Variants in ELMO1 observed in about 807,000 individuals in gnomAD.
ELMO1 encodes the protein engulfment and cell motility 1, also known as engulfment and cell motility protein 1.
Under a neutral mutation model 98.9 loss-of-function variants are expected in ELMO1, and 26 were observed. The ratio of observed to expected loss-of-function variants is 0.26; its 90% CI spans 0.19 to 0.36. The LOEUF (loss-of-function observed/expected upper bound fraction) is 0.36, where lower values mean the gene tolerates loss of function less well. Ranked by LOEUF, ELMO1 falls within the 10% of genes least tolerant of loss-of-function variation. The pLI, the probability that ELMO1 is intolerant of heterozygous loss-of-function variation, is 1.00. For missense variants in ELMO1, 627 were observed against 935.2 expected, an observed-to-expected ratio of 0.67 and a Z score of 4.30; for synonymous variants, 346 against 346.0, an observed-to-expected ratio of 1.00 and a Z score of 0.00.
intron 10 of ELMO1, among the ~76,000 whole-genome samples, chr7:37,218,772 G>A (rs1793434835): frequency 6.6e-6 from 1 of 152,192 alleles, no homozygotes; most frequent in African/African-American, 2.4e-5. Flanking sequence ...AAACAGGGAA[G>A]TAGCACCATG....
chr7:36,889,483 A>G (rs1472685556), intron 17 of ELMO1, among the ~76,000 whole-genome samples: 3 of 152,246 alleles, frequency 2.0e-5, no homozygotes, highest in Admixed American at 6.5e-5. Context: ...AGTCCAGGTG[A>G]CAGGGTGCAG....
intron 5 of ELMO1, among the ~76,000 whole-genome samples, chr7:37,260,731 A>C (rs1256822550): frequency 6.6e-6 from 1 of 152,140 alleles, no homozygotes; most frequent in Non-Finnish European, 1.5e-5. Context: ...AAAACCAAAA[A>C]CAGACACGTT....
At chr7:37,190,644 C>A (rs1027313295) in intron 13 of ELMO1, among the ~76,000 whole-genome samples, 4 of 151,980 alleles carry the variant, frequency 2.6e-5, no homozygotes, top group African/African-American at 9.7e-5. Context: ...ATTACGGGCA[C>A]CCTGCCAATC....
intron 15 of ELMO1, among the ~76,000 whole-genome samples, chr7:37,040,641 A>G (rs1271262954): frequency 2.0e-5 from 3 of 152,174 alleles, no homozygotes; most frequent in Non-Finnish European, 4.4e-5. Flanking sequence ...TTCACGCACA[A>G]TGTTACTGCC....
intron 14 of ELMO1, among the ~76,000 whole-genome samples, chr7:37,123,263 GA>G (rs1280061052): frequency 1.3e-5 from 2 of 152,174 alleles, no homozygotes; most frequent in Non-Finnish European, 2.9e-5. Context: ...AAAGCTAGCA[GA>G]AGGCAAGAAG....
At chr7:37,393,770 C>T (rs1408406292) in intron 1 of ELMO1, 1 of 152,136 alleles carries the variant, frequency 6.6e-6, no homozygotes, top group Admixed American at 6.5e-5. Flanking sequence ...ATTTGTTCCT[C>T]AGCTTGCTTT....
At chr7:37,382,502 C>A (rs1802620508) in intron 1 of ELMO1, among the ~76,000 whole-genome samples, 1 of 152,002 alleles carries the variant, frequency 6.6e-6, no homozygotes, top group African/African-American at 2.4e-5. Context: ...TGCTCTTGGC[C>A]CTCTCACTAT....
At chr7:37,247,810 TA>T (rs1045304947) in intron 6 of ELMO1, among the ~76,000 whole-genome samples, 3 of 152,026 alleles carry the variant, frequency 2.0e-5, no homozygotes, top group Non-Finnish European at 4.4e-5. Context: ...AGGTGAAACT[TA>T]AATGGGGTCT....
At chr7:37,184,861 T>C (rs1791102066) in intron 13 of ELMO1, among the ~76,000 whole-genome samples, 2 of 151,982 alleles carry the variant, frequency 1.3e-5, no homozygotes, top group Admixed American at 1.3e-4. Context: ...ATCATGCCAC[T>C]GCACGCCAGC....
At chr7:36,931,177 C>T (rs1786005777) in intron 16 of ELMO1, among the ~76,000 whole-genome samples, 1 of 152,212 alleles carries the variant, frequency 6.6e-6, no homozygotes, top group Non-Finnish European at 1.5e-5. Context: ...TTTAAGGCAG[C>T]TTTTCGGGAT....
At chr7:37,276,293 C>T (rs1024959147) in intron 4 of ELMO1, among the ~76,000 whole-genome samples, 10 of 152,088 alleles carry the variant, frequency 6.6e-5, no homozygotes, top group Non-Finnish European at 1.0e-4. Context: ...AGAGAGAGTT[C>T]GCTGTTTATT....
Position 37,342,520 on chromosome 7 carries a change from G to C in ELMO1, c.78+93C>G. The C allele has an allele frequency of 7.8e-7, 1 of 1,274,560 alleles. No homozygotes were observed. Among genetic ancestry groups the C allele is most frequent in the Non-Finnish European group, 1.1e-6 (1 of 873,540 alleles). 79.0% of individuals were successfully genotyped at this position (1,274,560 alleles called of 1,614,324 possible). A position where few individuals can be genotyped will look rare whatever the true frequency, so the allele number is the denominator to read the frequency against. ...AGATTTTTCAACACAGCTAGAGAGA[G>C]AAAGGGAGAAGAGTGAGCTATCCAA... On this transcript the variant is annotated intron_variant, in intron 2 of 21. Coordinates refer to ENST00000310758, the MANE Select transcript of ELMO1 (RefSeq NM_014800.11). The surrounding 1 kb of genome is among the most constrained non-coding windows in gnomAD (Gnocchi z 4.3).
intron 1 of ELMO1, among the ~76,000 whole-genome samples, chr7:37,395,736 C>T (rs545731889): frequency 6.6e-6 from 1 of 152,298 alleles, no homozygotes; most frequent in East Asian, 1.9e-4. Context: ...TAATGTAAAG[C>T]AAGCACCTCT....
chr7:37,085,880 G>A (rs1783740179), intron 15 of ELMO1, among the ~76,000 whole-genome samples: 1 of 152,182 alleles, frequency 6.6e-6, no homozygotes, highest in Admixed American at 6.5e-5. Context: ...TAAGATGCTT[G>A]TATCCTGAAT....
At chr7:37,316,299 A>C (rs921885707) in intron 2 of ELMO1, among the ~76,000 whole-genome samples, 6 of 152,238 alleles carry the variant, frequency 3.9e-5, no homozygotes, top group African/African-American at 1.4e-4. Context: ...CATGAGGCCA[A>C]GTCAAAACCA....
chr7:37,018,425 CTACT>C (rs1277428112), intron 15 of ELMO1, among the ~76,000 whole-genome samples: 1 of 150,786 alleles, frequency 6.6e-6, no homozygotes, highest in South Asian at 2.1e-4. Context: ...TGTGCCTGGC[CTACT>C]TACTATTTTT....
At chr7:36,916,012 T>C (rs933908261) in intron 16 of ELMO1, among the ~76,000 whole-genome samples, 4 of 152,220 alleles carry the variant, frequency 2.6e-5, no homozygotes, top group South Asian at 2.1e-4. Context: ...AGGGAGGAAA[T>C]CTAAGCTTTT....
At chr7:37,439,278 A>G (rs933580716) in intron 1 of ELMO1, among the ~76,000 whole-genome samples, 5 of 152,202 alleles carry the variant, frequency 3.3e-5, no homozygotes, top group African/African-American at 1.2e-4. Flanking sequence ...GGGATTGCTG[A>G]CATAAAGCCC....
intron 13 of ELMO1, among the ~76,000 whole-genome samples, chr7:37,184,193 A>C (rs1791057597): frequency 6.6e-6 from 1 of 152,186 alleles, no homozygotes; most frequent in Admixed American, 6.5e-5. Context: ...GGTGGTGAAG[A>C]TTCTGGATTC....
Sources: gnomAD v4.1 joint callset for allele counts (sites outside exome capture counted in the v4.1 genomes callset) on GRCh38, gnomAD v4.1.1 for gene constraint, Gnocchi (gnomAD v3.1) non-coding constraint, MANE v1.5 for transcripts, NCBI Gene and HGNC (gene_info 2026-07-23, HGNC 2026-07-21) for gene names.